Variants in CCDC127 observed in about 807,000 individuals in gnomAD.
CCDC127 encodes coiled-coil domain containing 127.
In CCDC127, 2 loss-of-function variants were observed where a neutral mutation model predicts 4.1. The ratio of observed to expected loss-of-function variants is 0.49; its 90% CI spans 0.20 to 1.53. CCDC127 has a LOEUF of 1.53. Among genes scored for constraint, CCDC127 ranks in the 40% most tolerant of loss-of-function variants. CCDC127 has a pLI of 0.23. For missense variants in CCDC127, 271 were observed against 322.9 expected (o/e 0.84, Z 1.23); for synonymous variants, 98 against 120.4 (o/e 0.81, Z 1.22).
At chr5:208,643 G>A (rs772364690) in intron 2 of CCDC127, among the ~76,000 whole-genome samples, 24 of 147,690 alleles carry the variant, frequency 1.6e-4, no homozygotes, top group Non-Finnish European at 2.5e-4. Context: ...AGTAGAGGCC[G>A]GGGGGCTGGA....
At chr5:215,552 T>C (rs1450003956) in intron 2 of CCDC127, 2 of 152,172 alleles carry the variant, frequency 1.3e-5, no homozygotes, top group Admixed American at 6.5e-5. Flanking sequence ...AAGGGTTTTT[T>C]TTCCCAAGCC....
chr5:208,358 C>T (rs2126507429), intron 2 of CCDC127, among the ~76,000 whole-genome samples: 1 of 152,324 alleles, frequency 6.6e-6, no homozygotes, highest in Admixed American at 6.5e-5. Context: ...AATTGGAAAT[C>T]TCAACGGGTG....
At chr5:209,768 G>A (rs1410651923) in intron 2 of CCDC127, among the ~76,000 whole-genome samples, 1 of 152,208 alleles carries the variant, frequency 6.6e-6, no homozygotes, top group South Asian at 2.1e-4. Flanking sequence ...TAATTCTACA[G>A]CACGGCCACG....
chr5:217,924 G>A (rs1734457504), intron 1 of CCDC127, among the ~76,000 whole-genome samples, 169 bp downstream of exon 1: 2 of 152,238 alleles, frequency 1.3e-5, no homozygotes, highest in South Asian at 4.1e-4. Context: ...CAAGAGGTCG[G>A]AGGCCCCGGG....
In CCDC127 at chr5:205,418, T is replaced by A. The variant is rs1378940313; in HGVS notation, c.662A>T (p.Asp221Val). 3 of 1,614,228 alleles carry A rather than the reference T, an allele frequency of 1.9e-6. No homozygotes were observed. Among genetic ancestry groups the A allele is most frequent in the Non-Finnish European group, 2.5e-6 (3 of 1,180,044 alleles). ...DIFQHDTYCGDVWNTNKRQNG... is the reference protein window; with the variant it reads ...DIFQHDTYCGVVWNTNKRQNG... ...CTGGCGTTTGTTGGTGTTCCAGACA[T>A]CACCACAGTATGTATCATGCTGAAA... The change falls in exon 3 of 3, where the codon GAT becomes GTT. Residue 221 changes from aspartate (D) to valine (V), a missense_variant. Coordinates refer to ENST00000296824, the MANE Select transcript of CCDC127 (RefSeq NM_145265.3).
chr5:207,613 C>G (rs1468811452), intron 2 of CCDC127, among the ~76,000 whole-genome samples: 1 of 152,160 alleles, frequency 6.6e-6, no homozygotes, highest in Non-Finnish European at 1.5e-5. Context: ...GCCGGATGTG[C>G]CTGGGGACGG....
At position 200,290 on chromosome 5, in the gene CCDC127, TTC is replaced by T; in HGVS notation, c.*5005_*5006del. The stretch of plus-strand genomic sequence containing the variant: ...GGGTGGCTTACTGAAGCCCTTCGTT[TTC>T]TCTTTTCAAGATTTCCCATGAAGCT... On this transcript the variant is annotated 3_prime_UTR_variant, in exon 3 of 3. Coordinates refer to ENST00000296824, the MANE Select transcript of CCDC127 (RefSeq NM_145265.3). 1 of 152,420 alleles carries T rather than the reference TTC, an allele frequency of 6.6e-6. No homozygotes were observed. The highest frequency in any genetic ancestry group is 1.9e-4 in the East Asian group (1 of 5,182). The allele number at this position is 152,420 out of a possible 1,614,324, so 9.4% of individuals were successfully genotyped here.
In CCDC127 at chr5:205,442, A is replaced by C; in HGVS notation, c.638T>G (p.Phe213Cys). Reference sequence around the variant, plus strand: ...ATCACCACAGTATGTATCATGCTGAAATATGTCGGTGAGACCGGCTGCCAT... The same window carrying C: ...ATCACCACAGTATGTATCATGCTGACATATGTCGGTGAGACCGGCTGCCAT... The part of the protein sequence containing the change: ...LEMAAGLTDI[F>C]QHDTYCGDVW... Residue 213 changes from phenylalanine (F) to cysteine (C), a missense_variant, in exon 3 of 3, where the codon TTT (phenylalanine) becomes TGT (cysteine). Around this residue, in one of 2 missense-constraint regions of CCDC127, gnomAD observed 265 missense variants for 270.9 expected, o/e 0.98. Coordinates refer to ENST00000296824, the MANE Select transcript of CCDC127 (RefSeq NM_145265.3). 6.2e-7 allele frequency: 1 copy of C among 1,614,230 alleles called. No individual in the cohort carries two copies. The highest frequency in any genetic ancestry group is 1.1e-5 in the South Asian group (1 of 91,084).
chr5:205,275 G>A lies in CCDC127; in HGVS notation c.*22C>T, dbSNP rs200353086. The A allele has an allele frequency of 1.4e-5, 22 of 1,587,176 alleles. No homozygotes were observed. The East Asian group carries it at 4.7e-4, about 34-fold the overall frequency. ...ACTGCCTGGCCTCGAGTCACTAAAAGCAGTTTGATTTCACTCTTGTCTTAC... is the reference window on the plus strand; with the variant it reads ...ACTGCCTGGCCTCGAGTCACTAAAAACAGTTTGATTTCACTCTTGTCTTAC... On this transcript the variant is annotated 3_prime_UTR_variant, in exon 3 of 3. Coordinates refer to ENST00000296824, the MANE Select transcript of CCDC127 (RefSeq NM_145265.3).
chr5:214,462 G>A (rs1222174437), intron 2 of CCDC127: 1 of 152,226 alleles, frequency 6.6e-6, no homozygotes, highest in Non-Finnish European at 1.5e-5. Flanking sequence ...TTCTGGGTCA[G>A]GGGAGGAAAC....
At chr5:206,476 C>T (rs763253988) in intron 2 of CCDC127, among the ~76,000 whole-genome samples, 1 of 152,180 alleles carries the variant, frequency 6.6e-6, no homozygotes, top group Non-Finnish European at 1.5e-5. Flanking sequence ...GAAAACGGGA[C>T]GAAGATTGCT....
rs111313795 is a variant in CCDC127 at position 205,416 on chromosome 5, C to T, written c.664G>A (p.Val222Ile). The T allele has an allele frequency of 6.2e-7, 1 of 1,614,226 alleles. No homozygotes were observed. Among genetic ancestry groups the T allele is most frequent in the Non-Finnish European group, 8.5e-7 (1 of 1,180,040 alleles). Residue 222 changes from valine (V) to isoleucine (I), a missense_variant, in exon 3 of 3, where the codon GTC becomes ATC. Physicochemically the swap from Val to Ile is conservative, Grantham distance 29 (BLOSUM62 3). This residue lies in a region of CCDC127 where 265 missense variants were observed against 270.9 expected (regional missense o/e 0.98). Coordinates refer to ENST00000296824, the MANE Select transcript of CCDC127 (RefSeq NM_145265.3). ...TTCTGGCGTTTGTTGGTGTTCCAGA[C>T]ATCACCACAGTATGTATCATGCTGA... ...IFQHDTYCGD[V>I]WNTNKRQNGR...
At chr5:210,473 G>A (rs923092003) in intron 2 of CCDC127, among the ~76,000 whole-genome samples, 7 of 152,158 alleles carry the variant, frequency 4.6e-5, no homozygotes, top group South Asian at 2.1e-4. Flanking sequence ...ATTAGGAAAC[G>A]GCTGAAAGGC....
At chr5:206,704 C>G (rs1734180002) in intron 2 of CCDC127, among the ~76,000 whole-genome samples, 1 of 152,250 alleles carries the variant, frequency 6.6e-6, no homozygotes, top group Non-Finnish European at 1.5e-5. Flanking sequence ...CGTGTGATAA[C>G]AGTTCCATCC....
At chr5:210,761 C>A (rs1431601937) in intron 2 of CCDC127, among the ~76,000 whole-genome samples, 1 of 137,114 alleles carries the variant, frequency 7.3e-6, no homozygotes, top group South Asian at 2.5e-4. Context: ...CTGAGATGCT[C>A]GACATTGCAC....
intron 1 of CCDC127, among the ~76,000 whole-genome samples, chr5:217,645 G>A (rs1418806175): frequency 1.3e-5 from 2 of 151,938 alleles, no homozygotes; most frequent in African/African-American, 4.8e-5. Flanking sequence ...GGTGATGTGG[G>A]GAAGGTGCAA....
chr5:213,816 C>G (rs1734325244), intron 2 of CCDC127: 1 of 152,264 alleles, frequency 6.6e-6, no homozygotes, highest in Admixed American at 6.5e-5. Flanking sequence ...GTGCAACCTC[C>G]ATAAAACCCA....
intron 2 of CCDC127, chr5:214,310 G>C (rs557161423): frequency 1.3e-5 from 2 of 152,196 alleles, no homozygotes; most frequent in Non-Finnish European, 2.9e-5. Context: ...GGGGAAAGCT[G>C]GGTAGAGGGT....
chr5:205,890 C>A lies in CCDC127; in HGVS notation c.190G>T (p.Ala64Ser). Residue 64 changes from alanine to serine, a missense_variant, in exon 3 of 3, where the codon GCT (alanine) becomes TCT (serine). Ala to Ser is a moderately conservative substitution (Grantham distance 99). This residue lies in a region of CCDC127 where 265 missense variants were observed against 270.9 expected (regional missense o/e 0.98). Transcript: ENST00000296824. ...KEREAYRRRT[A>S]AFQQDLEAKY... ...GCTTCCAGATCCTGTTGAAAAGCAG[C>A]AGTTCTCCGACGGTAGGCTTCTCTC... 1 of 1,614,214 alleles carries A rather than the reference C, an allele frequency of 6.2e-7. No individual in the cohort carries two copies. Among genetic ancestry groups the A allele is most frequent in the Non-Finnish European group, 8.5e-7 (1 of 1,180,032 alleles).
Sources: allele counts gnomAD v4.1 joint callset (sites outside exome capture counted in the v4.1 genomes callset), GRCh38; gene constraint gnomAD v4.1.1; regional missense constraint gnomAD v4.1.1; transcripts MANE v1.5; gene names NCBI Gene and HGNC (gene_info 2026-07-23, HGNC 2026-07-21).